Variants in IMMT observed in about 807,000 individuals in gnomAD.
The protein encoded by IMMT is MICOS complex subunit MIC60.
A neutral mutation model predicts 92.7 loss-of-function variants in IMMT; 40 were observed. The ratio of observed to expected loss-of-function variants is 0.43; its 90% CI spans 0.34 to 0.56. The LOEUF is 0.56. Ranked by LOEUF, IMMT falls within the 20% of genes least tolerant of loss-of-function variation. IMMT has a pLI of 0.03. For missense variants in IMMT, 831 were observed against 912.1 expected, an observed-to-expected ratio of 0.91 and a Z score of 1.14; for synonymous variants, 322 against 336.1, an observed-to-expected ratio of 0.96 and a Z score of 0.46.
chr2:86,162,736 C>T (rs1428785005), intron 7 of IMMT, among the ~76,000 whole-genome samples: 1 of 151,902 alleles, frequency 6.6e-6, no homozygotes, highest in Non-Finnish European at 1.5e-5. Flanking sequence ...CCCAGCTACT[C>T]GGGAGGCTGA....
At chr2:86,167,920 G>A (rs1288870994) in intron 6 of IMMT, among the ~76,000 whole-genome samples, 1 of 151,990 alleles carries the variant, frequency 6.6e-6, no homozygotes, top group East Asian at 1.9e-4. Context: ...ACATATTGTG[G>A]CTATAAACTC....
At chr2:86,171,416 C>T (rs1220986762) in intron 4 of IMMT, 71 bp from the exon 5 acceptor site, 5 of 1,343,744 alleles carry the variant, frequency 3.7e-6, no homozygotes, top group Non-Finnish European at 5.2e-6. Context: ...AAATTTACTA[C>T]CACCATCACC....
intron 1 of IMMT, chr2:86,195,069 CAGCGCGGCCCTGA>C (rs1377745503): frequency 2.5e-6 from 1 of 399,984 alleles, no homozygotes; most frequent in East Asian, 3.8e-5. Flanking sequence ...TGGACGGGGG[CAGCGCGGCCCTGA>C]TTGGACTACA....
At chr2:86,177,226 A>C (rs781040475) in intron 3 of IMMT, among the ~76,000 whole-genome samples, 3 of 149,732 alleles carry the variant, frequency 2.0e-5, no homozygotes, top group Non-Finnish European at 3.0e-5. Flanking sequence ...CAAAGAGCCA[A>C]AAATCCATGC....
Position 86,158,606 on chromosome 2 carries a change from C to A in IMMT, c.1148G>T (p.Gly383Val). Reference protein sequence around the residue: ...LDSITPEVLPGWKGMSVSDLA... With the variant: ...LDSITPEVLPVWKGMSVSDLA... Reference sequence around the variant, plus strand: ...GTTGTACTCACTCATTCCTTTCCACCCAGGAAGGACTTCTGGAGTAATACT... The same window carrying A: ...GTTGTACTCACTCATTCCTTTCCACACAGGAAGGACTTCTGGAGTAATACT... The change falls in exon 10 of 15, where the codon GGG becomes GTG. Residue 383 changes from glycine to valine, a missense_variant. Transcript: ENST00000410111. 6.2e-7 allele frequency: 1 copy of A among 1,604,722 alleles called. No homozygotes were observed. The highest frequency in any genetic ancestry group is 8.5e-7 in the Non-Finnish European group (1 of 1,174,950).
At chr2:86,171,957 ATATTTTTTTT>A (rs1677123809) in intron 4 of IMMT, among the ~76,000 whole-genome samples, 6 of 133,518 alleles carry the variant, frequency 4.5e-5, no homozygotes, top group Non-Finnish European at 6.4e-5. Context: ...TGTGTGTAGT[ATATTTTTTTT>A]TTTTTTTTTT....
chr2:86,179,689 A>T, intron 2 of IMMT, 67 bp from the exon 3 acceptor site: 1 of 1,334,296 alleles, frequency 7.5e-7, no homozygotes, highest in Non-Finnish European at 1.0e-6. Context: ...TCCTATACCA[A>T]TGTAACCATC....
intron 1 of IMMT, among the ~76,000 whole-genome samples, chr2:86,194,214 C>G (rs1673372231): frequency 6.6e-6 from 1 of 152,208 alleles, no homozygotes; most frequent in East Asian, 1.9e-4. Flanking sequence ...CAAATGAGAA[C>G]CACAGCATGG....
chr2:86,169,213 TTATAACTTAATTTCAA>T, intron 6 of IMMT, among the ~76,000 whole-genome samples: 1 of 152,238 alleles, frequency 6.6e-6, no homozygotes, highest in Non-Finnish European at 1.5e-5. Flanking sequence ...CATCTTACGT[TTATAACTTAATTTCAA>T]GGTGCCCAAG....
intron 5 of IMMT, 77 bp downstream of exon 5, chr2:86,171,131 C>A: frequency 2.4e-6 from 3 of 1,261,980 alleles, no homozygotes; most frequent in Non-Finnish European, 2.2e-6. Flanking sequence ...TACTTAGTGT[C>A]TACGTGTTGC....
Position 86,144,231 on chromosome 2 carries a change from G to T in IMMT, c.*37C>A. The T allele has an allele frequency of 1.2e-6, 2 of 1,605,760 alleles. No individual in the cohort carries two copies. Among genetic ancestry groups the T allele is most frequent in the South Asian group, 2.2e-5 (2 of 90,342 alleles). ...TCATCTATCACTGCTGATTTCCTTTGACATGAAATATGACTTTATGAAAAT... is the reference window on the plus strand; with the variant it reads ...TCATCTATCACTGCTGATTTCCTTTTACATGAAATATGACTTTATGAAAAT... On this transcript the variant is annotated 3_prime_UTR_variant, in exon 15 of 15. Coordinates refer to ENST00000410111, the MANE Select transcript of IMMT (RefSeq NM_006839.3).
intron 8 of IMMT, 101 bp from the exon 9 acceptor site, chr2:86,159,772 A>G (rs1210701087): frequency 9.4e-7 from 1 of 1,068,832 alleles, no homozygotes; most frequent in Non-Finnish European, 1.3e-6. Flanking sequence ...TCTATGAAAC[A>G]GGCTGGGAGC....
chr2:86,168,804 TAAAAAG>T (rs1353780930), intron 6 of IMMT, among the ~76,000 whole-genome samples: 2 of 151,328 alleles, frequency 1.3e-5, no homozygotes, highest in African/African-American at 2.4e-5. Flanking sequence ...AAGGAGAAAA[TAAAAAG>T]AAATTGACAG....
Position 86,161,097 on chromosome 2 carries a change from T to TTA in IMMT, c.896+878_896+879insTA, listed in dbSNP as rs1553447015. Among the ~76,000 whole-genome samples the TTA allele has an allele frequency of 1.4e-4, 19 of 140,652 alleles. No individual in the cohort carries two copies. In the South Asian group the frequency reaches 1.8e-3, roughly 13 times the overall value. 92.3% of individuals were successfully genotyped at this position (140,652 alleles called of 152,430 possible). ...TGGGCAACAGAGCAAGACCATGAAT[T>TTA]AAAAAAAAAAAAAAAAAATCCTTTA... On this transcript the variant is annotated intron_variant, in intron 8 of 14. Coordinates refer to ENST00000410111, the MANE Select transcript of IMMT (RefSeq NM_006839.3).
intron 1 of IMMT, 37 bp from the exon 2 acceptor site, chr2:86,181,409 A>C: frequency 6.9e-7 from 1 of 1,442,102 alleles, no homozygotes; most frequent in Non-Finnish European, 9.8e-7. Context: ...AATACAGTTA[A>C]AGGAAACTGG....
At chr2:86,171,722 TAAAC>T (rs199629565) in intron 4 of IMMT, 1,878 of 185,926 alleles carry the variant, frequency 0.01, 44 homozygotes, top group African/African-American at 0.041. Context: ...AGAAAGCAAC[TAAAC>T]AAAGAATATT....
chr2:86,166,098 G>A (rs1402797220), intron 7 of IMMT, among the ~76,000 whole-genome samples: 11 of 152,214 alleles, frequency 7.2e-5, no homozygotes, highest in African/African-American at 2.4e-4. Flanking sequence ...TTGGGAGGCC[G>A]AGGCAGGCAA....
chr2:86,146,642 C>G lies in IMMT; in HGVS notation c.1534-445G>C, dbSNP rs7575430. Among the ~76,000 whole-genome samples the G allele has an allele frequency of 2.5e-3, 377 of 152,144 alleles. 4 individuals carry two copies. Among genetic ancestry groups the G allele is most frequent in the South Asian group, 0.023 (110 of 4,822 alleles). The stretch of plus-strand genomic sequence containing the variant: ...CCTCCCAAAGTGCTGGGATTACAGG[C>G]GTGAGCCACCGTGCCCGGCCGATGT... On this transcript the variant is annotated intron_variant, in intron 13 of 14. Coordinates refer to ENST00000410111, the MANE Select transcript of IMMT (RefSeq NM_006839.3).
At chr2:86,149,062 G>T (rs900561035) in intron 12 of IMMT, among the ~76,000 whole-genome samples, 1 of 152,166 alleles carries the variant, frequency 6.6e-6, no homozygotes, top group African/African-American at 2.4e-5. Context: ...AGCAGGCAAG[G>T]ACCTGTTGTG....
Sources: gnomAD v4.1 joint callset for allele counts (sites outside exome capture counted in the v4.1 genomes callset) on GRCh38, gnomAD v4.1.1 for gene constraint, MANE v1.5 for transcripts, NCBI Gene and HGNC (gene_info 2026-07-23, HGNC 2026-07-21) for gene names.